The following SCD5 variants were observed in gnomAD, a reference collection of about 807,000 sequenced individuals.
SCD5 encodes the protein acyl-CoA-desaturase 4.
Under a neutral mutation model 30.4 loss-of-function variants are expected in SCD5, and 20 were observed. The ratio of observed to expected loss-of-function variants is 0.66; its 90% CI spans 0.46 to 0.96. The LOEUF (loss-of-function observed/expected upper bound fraction) is 0.96, where lower values mean the gene tolerates loss of function less well. Among genes scored for constraint, SCD5 ranks in the 40% least tolerant of loss-of-function variants. The probability of loss-of-function intolerance (pLI) is 0.00; values close to 1 mark genes in which losing one functional copy is unlikely to be tolerated. For synonymous variants in SCD5, 173 were observed against 176.4 expected, an observed-to-expected ratio of 0.98 and a Z score of 0.16; for missense variants, 381 against 443.3, an observed-to-expected ratio of 0.86 and a Z score of 1.26.
intron 1 of SCD5, among the ~76,000 whole-genome samples, chr4:82,755,256 T>C (rs1045377183): frequency 6.6e-6 from 1 of 152,008 alleles, no homozygotes; most frequent in African/African-American, 2.4e-5. Flanking sequence ...TCCCAGCACT[T>C]TGGGAGGCTG....
intron 1 of SCD5, among the ~76,000 whole-genome samples, chr4:82,788,362 G>A (rs1167165788): frequency 6.6e-6 from 1 of 152,056 alleles, no homozygotes; most frequent in Non-Finnish European, 1.5e-5. Flanking sequence ...GTTTACCAAG[G>A]GACGCATGAC....
chr4:82,746,135 G>A (rs754076498), intron 1 of SCD5, among the ~76,000 whole-genome samples: 3 of 152,230 alleles, frequency 2.0e-5, no homozygotes, highest in Non-Finnish European at 2.9e-5. Context: ...TACCAGAACT[G>A]AGATCCTATG....
intron 3 of SCD5, among the ~76,000 whole-genome samples, chr4:82,661,835 A>G (rs751943637): frequency 1.3e-5 from 2 of 152,232 alleles, no homozygotes; most frequent in Non-Finnish European, 2.9e-5. Flanking sequence ...GAGAGTAAAC[A>G]TGAGAAATAC....
At chr4:82,710,448 A>G (rs1720059361) in intron 1 of SCD5, among the ~76,000 whole-genome samples, 1 of 151,858 alleles carries the variant, frequency 6.6e-6, no homozygotes, top group African/African-American at 2.4e-5. Flanking sequence ...CCTCCCCACC[A>G]GCTCCCTTTG....
chr4:82,734,767 T>TTA (rs1553918368), intron 1 of SCD5, among the ~76,000 whole-genome samples: 1 of 52,600 alleles, frequency 1.9e-5, no homozygotes, highest in African/African-American at 1.2e-4. Context: ...TTGAGCTCAA[T>TTA]TTTTTTTTTT....
chr4:82,706,835 C>T (rs1448822071), intron 1 of SCD5, among the ~76,000 whole-genome samples: 1 of 152,232 alleles, frequency 6.6e-6, no homozygotes, highest in Non-Finnish European at 1.5e-5. Flanking sequence ...ACAGTGTGTC[C>T]TAGTTACCAG....
intron 1 of SCD5, among the ~76,000 whole-genome samples, chr4:82,738,096 A>T (rs916779071): frequency 3.9e-5 from 6 of 152,040 alleles, no homozygotes; most frequent in Non-Finnish European, 8.8e-5. Flanking sequence ...AATACTTGAT[A>T]AAAAAAGAAC....
rs1185981104 is a variant in SCD5 at position 82,798,543 on chromosome 4, G to A, written c.-6C>T. The stretch of plus-strand genomic sequence containing the variant: ...TCGGTGGCCGGGCCTGGCATGGCTG[G>A]GCGAGGTGGGCGCCCGCAGCAGCGG... On this transcript the variant is annotated 5_prime_UTR_variant, in exon 1 of 5. Transcript: ENST00000319540. The A allele has an allele frequency of 1.3e-6, 2 of 1,569,680 alleles. No homozygotes were observed. Among genetic ancestry groups the A allele is most frequent in the Non-Finnish European group, 1.7e-6 (2 of 1,158,392 alleles).
chr4:82,779,446 G>T (rs761086194), intron 1 of SCD5, among the ~76,000 whole-genome samples: 2 of 152,190 alleles, frequency 1.3e-5, no homozygotes, highest in Non-Finnish European at 2.9e-5. Flanking sequence ...GTGAAACCTA[G>T]GTCAGGTTTC....
chr4:82,789,725 T>C (rs1380208149), intron 1 of SCD5, among the ~76,000 whole-genome samples: 1 of 151,900 alleles, frequency 6.6e-6, no homozygotes, highest in Non-Finnish European at 1.5e-5. Flanking sequence ...CCTGCAAAAA[T>C]GGGCAGCGAG....
At chr4:82,686,716 G>T (rs1353749117) in intron 2 of SCD5, among the ~76,000 whole-genome samples, 1 of 152,182 alleles carries the variant, frequency 6.6e-6, no homozygotes, top group African/African-American at 2.4e-5. Context: ...TCATGGGAAT[G>T]AAATTGGGAG....
chr4:82,660,987 T>C, intron 3 of SCD5: 1 of 1,614,190 alleles, frequency 6.2e-7, no homozygotes, highest in Non-Finnish European at 8.5e-7. Flanking sequence ...GAAGGGTGAC[T>C]TTCAATATAT....
intron 1 of SCD5, among the ~76,000 whole-genome samples, chr4:82,719,201 G>T (rs1400992726): frequency 6.6e-6 from 1 of 151,704 alleles, no homozygotes; most frequent in Non-Finnish European, 1.5e-5. Context: ...TCTCTTTCTT[G>T]CATGGCAACT....
chr4:82,695,378 A>G (rs72661274), intron 2 of SCD5, among the ~76,000 whole-genome samples: 3,148 of 152,246 alleles, frequency 0.021, 60 homozygotes, highest in South Asian at 0.091. Flanking sequence ...GTAGCCTAGG[A>G]AAAAAGTTGA....
chr4:82,793,380 C>G (rs1722139340), intron 1 of SCD5, among the ~76,000 whole-genome samples: 1 of 152,070 alleles, frequency 6.6e-6, no homozygotes, highest in Admixed American at 6.6e-5. Flanking sequence ...AAACAATGAT[C>G]TTTTGGAGGA....
intron 1 of SCD5, among the ~76,000 whole-genome samples, chr4:82,735,441 C>G (rs4693509): frequency 0.53 from 79,904 of 151,928 alleles, 22,165 homozygotes; most frequent in African/African-American, 0.69. Flanking sequence ...CCCTGAAGTG[C>G]AATAAGCGGG....
At chr4:82,722,475 T>TA (rs1268602777) in intron 1 of SCD5, among the ~76,000 whole-genome samples, 1 of 152,192 alleles carries the variant, frequency 6.6e-6, no homozygotes, top group Non-Finnish European at 1.5e-5. Context: ...TTACAAAAAG[T>TA]ATTCCCAGCT....
chr4:82,715,823 T>C (rs1272979367), intron 1 of SCD5, among the ~76,000 whole-genome samples: 1 of 151,670 alleles, frequency 6.6e-6, no homozygotes, highest in Non-Finnish European at 1.5e-5. Flanking sequence ...TAAAACAAGA[T>C]GACTAAACTG....
chr4:82,704,735 A>G (rs552703123), intron 2 of SCD5, among the ~76,000 whole-genome samples: 1 of 152,356 alleles, frequency 6.6e-6, no homozygotes, highest in South Asian at 2.1e-4. Context: ...TCTTTCCACC[A>G]TGACCTCGCA....
Sources: gnomAD v4.1 joint callset for allele counts (sites outside exome capture counted in the v4.1 genomes callset) on GRCh38, gnomAD v4.1.1 for gene constraint, MANE v1.5 for transcripts, NCBI Gene and HGNC (gene_info 2026-07-23, HGNC 2026-07-21) for gene names.